The following TMEM178B variants were observed in gnomAD, a reference collection of about 807,000 sequenced individuals.
TMEM178B encodes the protein transmembrane protein 178B.
TMEM178B carries 5 observed loss-of-function variants against 31.0 expected under a neutral mutation model. The ratio of observed to expected loss-of-function variants is 0.16; its 90% CI spans 0.08 to 0.34. The LOEUF (loss-of-function observed/expected upper bound fraction) is 0.34. Among genes scored for constraint, TMEM178B ranks in the 10% least tolerant of loss-of-function variants. The pLI, the probability that TMEM178B is intolerant of heterozygous loss-of-function variation, is 1.00. For missense variants in TMEM178B, 275 were observed against 400.3 expected (o/e 0.69, Z 2.67); for synonymous variants, 164 against 164.0 (o/e 1.00, Z 0.00).
chr7:141,483,944 C>G (rs556882668), downstream of TMEM178B, among the ~76,000 whole-genome samples: 78 of 152,168 alleles, frequency 5.1e-4, 1 homozygote, highest in African/African-American at 1.8e-3. Context: ...CCACGTTGGC[C>G]AGGCTGGTCT....
At position 141,079,671 on chromosome 7, in the gene TMEM178B, C is replaced by T. The variant is rs148621105; in HGVS notation, c.382+4979C>T. ...CAAGCTTCTCCCTTCTTCCCTCCTG[C>T]CCTCTCCATCTCCATTAAACATCAC... On this transcript the variant is annotated intron_variant, in intron 1 of 3. Coordinates refer to ENST00000565468, the MANE Select transcript of TMEM178B (RefSeq NM_001195278.2). Among the ~76,000 whole-genome samples the T allele has an allele frequency of 3.3e-3, 501 of 152,298 alleles. 3 individuals carry two copies. Among genetic ancestry groups the T allele is most frequent in the African/African-American group, 0.011 (461 of 41,558 alleles).
At chr7:141,298,042 C>T (rs1586878072) in intron 2 of TMEM178B, among the ~76,000 whole-genome samples, 1 of 152,262 alleles carries the variant, frequency 6.6e-6, no homozygotes, top group East Asian at 1.9e-4. Flanking sequence ...TTTTAATGAT[C>T]ACCATTTTAA....
chr7:141,441,164 A>C (rs1015283301), intron 3 of TMEM178B, among the ~76,000 whole-genome samples: 1 of 152,216 alleles, frequency 6.6e-6, no homozygotes, highest in Non-Finnish European at 1.5e-5. Flanking sequence ...CTAGAACAGA[A>C]GCTGCACTTC....
At chr7:141,246,833 C>T (rs2191934) in intron 2 of TMEM178B, among the ~76,000 whole-genome samples, 72,697 of 151,922 alleles carry the variant, frequency 0.48, 17,797 homozygotes, top group East Asian at 0.8. Flanking sequence ...TTAGGGGCTA[C>T]GGGGCTGCTG....
At chr7:141,434,897 A>G (rs1040149255) in intron 2 of TMEM178B, among the ~76,000 whole-genome samples, 3 of 152,248 alleles carry the variant, frequency 2.0e-5, no homozygotes, top group African/African-American at 7.2e-5. Context: ...ACTTGACATA[A>G]TGACCTCCAG....
At chr7:141,348,107 T>C (rs1191798082) in intron 2 of TMEM178B, among the ~76,000 whole-genome samples, 1 of 152,264 alleles carries the variant, frequency 6.6e-6, no homozygotes, top group Non-Finnish European at 1.5e-5. Flanking sequence ...TCAGCCAGGT[T>C]ATTTTACTTT....
chr7:141,280,481 T>G (rs1458305220), intron 2 of TMEM178B, among the ~76,000 whole-genome samples: 1 of 152,200 alleles, frequency 6.6e-6, no homozygotes, highest in Non-Finnish European at 1.5e-5. Flanking sequence ...CCCTTTCCCT[T>G]GGTTCTCATT....
chr7:141,161,780 T>G (rs1445474250), intron 1 of TMEM178B, among the ~76,000 whole-genome samples: 6 of 151,824 alleles, frequency 4.0e-5, no homozygotes, highest in Non-Finnish European at 8.8e-5. Flanking sequence ...TGTGACAGTG[T>G]GTGTGTTTGT....
intron 1 of TMEM178B, among the ~76,000 whole-genome samples, chr7:141,196,760 A>G (rs1464630534): frequency 1.3e-5 from 2 of 152,096 alleles, no homozygotes; most frequent in African/African-American, 4.8e-5. Context: ...GATCTCGTGC[A>G]TGTGTGGAGG....
At chr7:141,300,316 T>C (rs1428453122) in intron 2 of TMEM178B, among the ~76,000 whole-genome samples, 2 of 152,126 alleles carry the variant, frequency 1.3e-5, no homozygotes, top group Non-Finnish European at 2.9e-5. Context: ...TAGCTTCTGT[T>C]CAGCTGCTTG....
rs17161950 is a variant in TMEM178B at position 141,167,495 on chromosome 7, A to G, written c.383-45096A>G. Among the ~76,000 whole-genome samples, 1,083 of 152,378 alleles carry G rather than the reference A, an allele frequency of 7.1e-3. 16 individuals carry two copies. The highest frequency in any genetic ancestry group is 0.024 in the African/African-American group (1,006 of 41,582). ...TTCCCATCAGGTTCTATTAGGAATGACAACTCTGAAGTGGATTTGTGCCTT... is the reference window on the plus strand; with the variant it reads ...TTCCCATCAGGTTCTATTAGGAATGGCAACTCTGAAGTGGATTTGTGCCTT... On this transcript the variant is annotated intron_variant, in intron 1 of 3. Transcript: ENST00000565468.
At position 141,407,300 on chromosome 7, in the gene TMEM178B, A is replaced by G. The variant is rs1417812699; in HGVS notation, c.497-30308A>G. Among the ~76,000 whole-genome samples the G allele has an allele frequency of 3.3e-5, 5 of 152,374 alleles. No homozygotes were observed. In the South Asian group the frequency reaches 1.0e-3, roughly 32 times the overall value. On this transcript the variant is annotated intron_variant, in intron 2 of 3. Transcript: ENST00000565468. ...GCTGCCCTGTTTGATGTCTGCAGCA[A>G]CCAAATAAAACCAAAACAAAATAAT...
At chr7:141,133,701 C>A (rs555368693) in intron 1 of TMEM178B, among the ~76,000 whole-genome samples, 21 of 152,256 alleles carry the variant, frequency 1.4e-4, no homozygotes, top group South Asian at 4.1e-4. Flanking sequence ...CCAAGTCTTG[C>A]AAGAGATATA....
At position 141,280,092 on chromosome 7, in the gene TMEM178B, G is replaced by A. The variant is rs565212232; in HGVS notation, c.496+67388G>A. 5.3e-5 allele frequency among the ~76,000 whole-genome samples: 8 copies of A among 152,322 alleles called. No individual in the cohort carries two copies. The South Asian group carries it at 8.3e-4, about 16-fold the overall frequency. ...GAAAAAGGAAATAAAGAGAGGTGCC[G>A]TTCTGAACAAATAAGAAATGTCTAG... On this transcript the variant is annotated intron_variant, in intron 2 of 3. Transcript: ENST00000565468.
intron 2 of TMEM178B, among the ~76,000 whole-genome samples, chr7:141,273,010 G>A (rs923025536): frequency 9.9e-5 from 15 of 152,228 alleles, no homozygotes; most frequent in South Asian, 6.2e-4. Context: ...TAACATATGC[G>A]CACATATATA....
chr7:141,291,026 C>A (rs1424800125), intron 2 of TMEM178B, among the ~76,000 whole-genome samples: 2 of 152,218 alleles, frequency 1.3e-5, no homozygotes, highest in Non-Finnish European at 2.9e-5. Flanking sequence ...TAATTGCTTT[C>A]TCTACCATTT....
chr7:141,255,648 G>GT (rs5887995), intron 2 of TMEM178B, among the ~76,000 whole-genome samples: 38,963 of 150,948 alleles, frequency 0.26, 6,606 homozygotes, highest in Non-Finnish European at 0.38. Context: ...TATTTTTCTA[G>GT]TTTTTTTTTT....
chr7:141,321,389 T>C (rs1799095958), intron 2 of TMEM178B, among the ~76,000 whole-genome samples: 1 of 152,166 alleles, frequency 6.6e-6, no homozygotes, highest in African/African-American at 2.4e-5. Context: ...GGACTTCAAG[T>C]GACATTTGTT....
intron 2 of TMEM178B, among the ~76,000 whole-genome samples, chr7:141,307,869 CT>C (rs1269846897): frequency 6.6e-6 from 1 of 152,132 alleles, no homozygotes; most frequent in Non-Finnish European, 1.5e-5. Context: ...CTAGCAGGGT[CT>C]TTAAGTTTGG....
Sources: allele counts gnomAD v4.1 joint callset (sites outside exome capture counted in the v4.1 genomes callset), GRCh38; gene constraint gnomAD v4.1.1; transcripts MANE v1.5; gene names NCBI Gene and HGNC (gene_info 2026-07-23, HGNC 2026-07-21).